Variants in SLC25A20 observed in about 807,000 individuals in gnomAD.
The protein encoded by SLC25A20 is solute carrier family 25 member 20, also known as mitochondrial carnitine/acylcarnitine carrier protein.
A neutral mutation model predicts 39.7 loss-of-function variants in SLC25A20; 29 were observed. The ratio of observed to expected loss-of-function variants is 0.73; its 90% CI spans 0.54 to 1.00. SLC25A20 has a LOEUF of 1.00. SLC25A20 is among the 50% of genes least tolerant of loss of function. The pLI, the probability that SLC25A20 is intolerant of heterozygous loss-of-function variation, is 0.00. For synonymous variants in SLC25A20, 103 were observed against 142.2 expected (o/e 0.72, Z 1.96); for missense variants, 333 against 379.9 (o/e 0.88, Z 1.03).
intron 2 of SLC25A20, among the ~76,000 whole-genome samples, chr3:48,891,574 T>C (rs1043740800): frequency 3.3e-5 from 5 of 152,124 alleles, no homozygotes; most frequent in African/African-American, 1.2e-4. Flanking sequence ...ACTCTCTACA[T>C]GTTGCCCAGG....
At chr3:48,875,249 C>G (rs1327247198) in intron 4 of SLC25A20, among the ~76,000 whole-genome samples, 1 of 150,536 alleles carries the variant, frequency 6.6e-6, no homozygotes, top group Non-Finnish European at 1.5e-5. Context: ...ATTACAGACG[C>G]CTGCTACCAC....
intron 4 of SLC25A20, among the ~76,000 whole-genome samples, chr3:48,863,748 G>A (rs188745343): frequency 6.6e-6 from 1 of 152,350 alleles, no homozygotes; most frequent in Non-Finnish European, 1.5e-5. Context: ...CGGGCACGGT[G>A]GCTCACACCT....
rs533476473 is a variant in SLC25A20, at chr3:48,857,132, T to TAA, written c.*576_*577dup. 2 of 146,260 alleles carry TAA rather than the reference T, an allele frequency of 1.4e-5. No homozygotes were observed. The highest frequency in any genetic ancestry group is 1.5e-5 in the Non-Finnish European group (1 of 66,786). The allele number at this position is 146,260 out of a possible 1,614,324, so 9.1% of individuals were successfully genotyped here. A position where few individuals can be genotyped will look rare whatever the true frequency, so the allele number is the denominator to read the frequency against. On this transcript the variant is annotated 3_prime_UTR_variant, in exon 9 of 9. Coordinates refer to ENST00000319017, the MANE Select transcript of SLC25A20 (RefSeq NM_000387.6). The stretch of plus-strand genomic sequence containing the variant: ...TTTTACTTTTGATTATTTGCAGGCA[T>TAA]AAAAAAAAAAAATCAAAATCCAACG...
chr3:48,875,063 G>A (rs866263221), intron 4 of SLC25A20, among the ~76,000 whole-genome samples: 185 of 105,798 alleles, frequency 1.7e-3, no homozygotes, highest in Middle Eastern at 5.0e-3. Flanking sequence ...CTCTGTCTCA[G>A]AAAAAAAAAA....
chr3:48,892,397 G>C (rs1220849756), intron 1 of SLC25A20, among the ~76,000 whole-genome samples: 3 of 152,014 alleles, frequency 2.0e-5, no homozygotes, highest in Non-Finnish European at 2.9e-5. Flanking sequence ...TTTTTGTGTG[G>C]ATATATGTTT....
intron 8 of SLC25A20, 79 bp from the exon 9 acceptor site, chr3:48,857,851 G>T: frequency 7.5e-7 from 1 of 1,329,706 alleles, no homozygotes; most frequent in Non-Finnish European, 1.1e-6. Context: ...TGCTTTGCTG[G>T]CCCTGTCAGG....
At chr3:48,898,150 G>C (rs7431710) in intron 1 of SLC25A20, among the ~76,000 whole-genome samples, 1 of 151,968 alleles carries the variant, frequency 6.6e-6, no homozygotes, top group Non-Finnish European at 1.5e-5. Flanking sequence ...GGATGCCTCT[G>C]CCCAGGAGGC....
chr3:48,873,300 G>A (rs1291064827), intron 4 of SLC25A20, among the ~76,000 whole-genome samples: 2 of 151,742 alleles, frequency 1.3e-5, no homozygotes, highest in South Asian at 2.1e-4. Context: ...CAGGTGGATC[G>A]CTTGAGGCCA....
Position 48,857,295 on chromosome 3 carries a change from T to C in SLC25A20, c.*415A>G, listed in dbSNP as rs1413906749. ...CAAATGGGTATTCCTGGCTAGGGAC[T>C]GAAGAAGATCTCAGCTCCTGGTGAT... On this transcript the variant is annotated 3_prime_UTR_variant, in exon 9 of 9. Coordinates refer to ENST00000319017, the MANE Select transcript of SLC25A20 (RefSeq NM_000387.6). 1.5e-5 allele frequency: 4 copies of C among 260,664 alleles called. No homozygotes were observed. Among genetic ancestry groups the C allele is most frequent in the Non-Finnish European group, 1.5e-5 (2 of 131,974 alleles). 16.1% of individuals were successfully genotyped at this position (260,664 alleles called of 1,614,324 possible).
intron 3 of SLC25A20, among the ~76,000 whole-genome samples, 170 bp downstream of exon 3, chr3:48,883,827 T>C (rs1265484815): frequency 2.0e-5 from 3 of 152,012 alleles, no homozygotes. Flanking sequence ...TTTTGCCATG[T>C]TGGCCAAGCT....
intron 4 of SLC25A20, among the ~76,000 whole-genome samples, chr3:48,864,130 G>A (rs922080545): frequency 2.6e-4 from 39 of 151,944 alleles, no homozygotes; most frequent in African/African-American, 7.5e-4. Context: ...CAGATCACCT[G>A]AGGCCAGGAG....
At chr3:48,862,039 A>G (rs564524045) in intron 5 of SLC25A20, among the ~76,000 whole-genome samples, 32 of 152,326 alleles carry the variant, frequency 2.1e-4, no homozygotes, top group African/African-American at 7.2e-4. Context: ...AAAAAATAAA[A>G]TAAAAATAAG....
intron 4 of SLC25A20, among the ~76,000 whole-genome samples, chr3:48,866,358 A>G (rs1165140138): frequency 6.6e-6 from 1 of 152,012 alleles, no homozygotes; most frequent in African/African-American, 2.4e-5. Context: ...GTTCAAGACC[A>G]GCCTGGCCAA....
rs1432241566 is a variant in SLC25A20, at chr3:48,879,123, G to A, written c.417+235C>T. On this transcript the variant is annotated intron_variant, in intron 4 of 8. Coordinates refer to ENST00000319017, the MANE Select transcript of SLC25A20 (RefSeq NM_000387.6). The stretch of plus-strand genomic sequence containing the variant: ...TGACCTCAAGTGATCCATCCTCCTC[G>A]GCTCCCAAAGTGCTGGGATTACAGG... 3.3e-5 allele frequency among the ~76,000 whole-genome samples: 5 copies of A among 151,868 alleles called. No individual in the cohort carries two copies. The East Asian group carries it at 7.8e-4, about 24-fold the overall frequency.
At chr3:48,860,389 C>T (rs1323352236) in intron 5 of SLC25A20, among the ~76,000 whole-genome samples, 2 of 151,598 alleles carry the variant, frequency 1.3e-5, no homozygotes, top group East Asian at 3.9e-4. Context: ...CCGAGGTGGG[C>T]GGATCACGAG....
At chr3:48,858,480 G>A in intron 8 of SLC25A20, 27 bp downstream of exon 8, 1 of 1,613,998 alleles carries the variant, frequency 6.2e-7, no homozygotes, top group Non-Finnish European at 8.5e-7. Context: ...GCCCCAGAGG[G>A]AAAGCACAGC....
At chr3:48,897,967 T>C (rs982686825) in intron 1 of SLC25A20, among the ~76,000 whole-genome samples, 1 of 152,204 alleles carries the variant, frequency 6.6e-6, no homozygotes, top group Non-Finnish European at 1.5e-5. Flanking sequence ...TGAGATATGA[T>C]ATGAGGAAGA....
chr3:48,897,365 A>ATG (rs1372803902), intron 1 of SLC25A20, among the ~76,000 whole-genome samples: 1 of 104,346 alleles, frequency 9.6e-6, no homozygotes. Flanking sequence ...ATATATATAT[A>ATG]TATTTTTTTT....
chr3:48,879,221 C>A (rs1229438527), intron 4 of SLC25A20, 137 bp downstream of exon 4: 9 of 783,326 alleles, frequency 1.1e-5, no homozygotes, highest in Non-Finnish European at 2.1e-5. Flanking sequence ...ACCTTGGTCT[C>A]CCAAAGTGCT....
Sources: gnomAD v4.1 joint callset for allele counts (sites outside exome capture counted in the v4.1 genomes callset) on GRCh38, gnomAD v4.1.1 for gene constraint, MANE v1.5 for transcripts, NCBI Gene and HGNC (gene_info 2026-07-23, HGNC 2026-07-21) for gene names.